The following TADA2A variants were observed in gnomAD, a reference collection of about 807,000 sequenced individuals.
TADA2A encodes the protein transcriptional adapter 2-alpha.
Under a neutral mutation model 67.4 loss-of-function variants are expected in TADA2A, and 38 were observed. That is an observed-to-expected ratio of 0.56 (90% CI 0.44 to 0.74). TADA2A has a LOEUF of 0.74. TADA2A is among the 30% of genes least tolerant of loss of function. The pLI is 0.00. For missense variants in TADA2A, 454 were observed against 547.0 expected (o/e 0.83, Z 1.70); for synonymous variants, 192 against 181.6 (o/e 1.06, Z -0.46).
chr17:37,438,880 T>G (rs1318674399), intron 5 of TADA2A, among the ~76,000 whole-genome samples: 2 of 152,288 alleles, frequency 1.3e-5, no homozygotes, highest in East Asian at 3.9e-4. Context: ...CTATCCGCTG[T>G]GGGTAAGGCA....
chr17:37,459,886 T>A (rs1373998947), intron 9 of TADA2A, among the ~76,000 whole-genome samples: 2 of 151,122 alleles, frequency 1.3e-5, no homozygotes, highest in Non-Finnish European at 2.9e-5. Context: ...ACCAACATGG[T>A]GAAACCCTGT....
In TADA2A at chr17:37,429,022, G is replaced by A. The variant is rs567484669; in HGVS notation, c.192+2013G>A. 9.8e-4 allele frequency among the ~76,000 whole-genome samples: 146 copies of A among 149,540 alleles called. 1 individual carries two copies. In the South Asian group the frequency reaches 0.018, roughly 19 times the overall value. ...GATTGTGCCACTGCACTCCAGCCTG[G>A]GCAACAGAGTGAGACTCCGTCTCAA... On this transcript the variant is annotated intron_variant, in intron 4 of 15. Coordinates refer to ENST00000615182, the MANE Select transcript of TADA2A (RefSeq NM_001166105.3).
At chr17:37,459,609 CAG>C (rs1427108061) in intron 9 of TADA2A, among the ~76,000 whole-genome samples, 1 of 140,356 alleles carries the variant, frequency 7.1e-6, no homozygotes, top group Non-Finnish European at 1.5e-5. Context: ...AAATAAGAGA[CAG>C]AGTCTCACAC....
At position 37,475,171 on chromosome 17, in the gene TADA2A, T is replaced by A. The variant is rs552360951; in HGVS notation, c.1146+542T>A. 1.8e-3 allele frequency among the ~76,000 whole-genome samples: 276 copies of A among 152,062 alleles called. 1 individual carries two copies. Among genetic ancestry groups the A allele is most frequent in the African/African-American group, 3.1e-3 (129 of 41,546 alleles). On this transcript the variant is annotated intron_variant, in intron 15 of 15. Coordinates refer to ENST00000615182, the MANE Select transcript of TADA2A (RefSeq NM_001166105.3). The stretch of plus-strand genomic sequence containing the variant: ...AAAATTATTTTTTATTTTTATTTTT[T>A]TTTATTTATTTATTTTTTGAGACGG...
At chr17:37,432,929 T>TA (rs2052614323) in intron 4 of TADA2A, among the ~76,000 whole-genome samples, 1 of 145,660 alleles carries the variant, frequency 6.9e-6, no homozygotes, top group African/African-American at 2.5e-5. Context: ...ATTACAATTT[T>TA]TTTTTTTTTT....
At chr17:37,431,075 A>G (rs568970568) in intron 4 of TADA2A, among the ~76,000 whole-genome samples, 2 of 151,936 alleles carry the variant, frequency 1.3e-5, no homozygotes, top group Admixed American at 6.6e-5. Context: ...AACAAAAGGT[A>G]TAACAAGTTC....
At chr17:37,442,999 C>T (rs762410637) in intron 7 of TADA2A, among the ~76,000 whole-genome samples, 1 of 151,900 alleles carries the variant, frequency 6.6e-6, no homozygotes, top group Non-Finnish European at 1.5e-5. Flanking sequence ...CCTGTCTCTA[C>T]AAAAAATAAA....
intron 4 of TADA2A, among the ~76,000 whole-genome samples, chr17:37,434,809 A>G (rs2052672833): frequency 4.6e-5 from 1 of 21,910 alleles, no homozygotes; most frequent in Non-Finnish European, 7.9e-5. Context: ...GTTCCCTAGC[A>G]TCCTCTACAT....
Position 37,416,525 on chromosome 17 carries a change from A to C in TADA2A, c.25+5135A>C, listed in dbSNP as rs1469868424. Among the ~76,000 whole-genome samples, 3 of 152,032 alleles carry C rather than the reference A, an allele frequency of 2.0e-5. No homozygotes were observed. The East Asian group carries it at 5.8e-4, about 29-fold the overall frequency. ...AAAAGTTTTTTGTTTTCTTTTTATT[A>C]ATGTAGTCAAGTTTATTAACCCTTT... On this transcript the variant is annotated intron_variant, in intron 2 of 15. Coordinates refer to ENST00000615182, the MANE Select transcript of TADA2A (RefSeq NM_001166105.3).
chr17:37,419,761 A>G (rs1311070778), intron 2 of TADA2A, among the ~76,000 whole-genome samples: 1 of 125,778 alleles, frequency 8.0e-6, no homozygotes, highest in Admixed American at 8.5e-5. Flanking sequence ...CTGGGTAACC[A>G]GAGTGAGACA....
At chr17:37,466,743 T>C (rs916955957) in intron 11 of TADA2A, among the ~76,000 whole-genome samples, 1 of 152,332 alleles carries the variant, frequency 6.6e-6, no homozygotes, top group Admixed American at 6.5e-5. Context: ...TCCAAAACAC[T>C]ACACCCCATG....
intron 8 of TADA2A, among the ~76,000 whole-genome samples, chr17:37,453,724 AT>A (rs2053294679): frequency 7.3e-6 from 1 of 136,650 alleles, no homozygotes; most frequent in Non-Finnish European, 1.6e-5. Context: ...TTTAGGCTCT[AT>A]TTTGGATTGA....
chr17:37,457,491 C>CTTTTTTTTTT (rs71135729), intron 8 of TADA2A, among the ~76,000 whole-genome samples: 1 of 72,398 alleles, frequency 1.4e-5, no homozygotes, highest in Admixed American at 2.0e-4. Context: ...AACATTAATT[C>CTTTTTTTTTT]TTTTTTTTTT....
intron 14 of TADA2A, among the ~76,000 whole-genome samples, chr17:37,473,520 C>T (rs1388272077): frequency 6.6e-6 from 1 of 152,118 alleles, no homozygotes; most frequent in African/African-American, 2.4e-5. Flanking sequence ...GCCTGTTTTC[C>T]ACCAGTGGAG....
chr17:37,465,371 C>A, intron 10 of TADA2A, 60 bp from the exon 11 acceptor site: 2 of 1,309,788 alleles, frequency 1.5e-6, no homozygotes, highest in Non-Finnish European at 2.1e-6. Flanking sequence ...AAAAAAAATG[C>A]TGAAAACTCA....
intron 3 of TADA2A, among the ~76,000 whole-genome samples, chr17:37,424,079 A>G (rs2052330115): frequency 6.6e-6 from 1 of 152,064 alleles, no homozygotes; most frequent in South Asian, 2.1e-4. Flanking sequence ...TACCAGTGAA[A>G]AGTTGAGAAA....
At chr17:37,468,902 C>CT (rs377616227) in intron 12 of TADA2A, among the ~76,000 whole-genome samples, 83 of 144,904 alleles carry the variant, frequency 5.7e-4, no homozygotes, top group Admixed American at 1.8e-3. Flanking sequence ...TAGTTGGCTT[C>CT]TTTTTTTTTT....
Position 37,423,708 on chromosome 17 carries a change from C to T in TADA2A, c.132+93C>T, listed in dbSNP as rs1451532432. The T allele has an allele frequency of 2.0e-5, 18 of 879,422 alleles. No individual in the cohort carries two copies. The South Asian group carries it at 2.3e-4, about 11-fold the overall frequency. The allele number at this position is 879,422 out of a possible 1,614,324, so 54.5% of individuals were successfully genotyped here. A position where few individuals can be genotyped will look rare whatever the true frequency, so the allele number is the denominator to read the frequency against. ...GATTACTGTCAACTGCTAAGGAGATCTATGTCTTATTAAATCTATTCCTTC... is the reference window on the plus strand; with the variant it reads ...GATTACTGTCAACTGCTAAGGAGATTTATGTCTTATTAAATCTATTCCTTC... On this transcript the variant is annotated intron_variant, in intron 3 of 15. Coordinates refer to ENST00000615182, the MANE Select transcript of TADA2A (RefSeq NM_001166105.3).
chr17:37,420,499 TCTC>T (rs1234354830), intron 2 of TADA2A, among the ~76,000 whole-genome samples: 3 of 144,400 alleles, frequency 2.1e-5, no homozygotes, highest in Admixed American at 7.0e-5. Flanking sequence ...TTCAAACAAT[TCTC>T]CTGCCTCAGC....
Sources: gnomAD v4.1 joint callset for allele counts (sites outside exome capture counted in the v4.1 genomes callset) on GRCh38, gnomAD v4.1.1 for gene constraint, MANE v1.5 for transcripts, NCBI Gene and HGNC (gene_info 2026-07-23, HGNC 2026-07-21) for gene names.